Variants in AGBL1 observed in about 807,000 individuals in gnomAD.
The protein encoded by AGBL1 is AGBL carboxypeptidase 1, also known as cytosolic carboxypeptidase 4.
AGBL1 carries 130 observed loss-of-function variants against 118.9 expected under a neutral mutation model. The observed-to-expected ratio is 1.09, with a 90% CI of 0.95 to 1.26. The LOEUF is 1.26. AGBL1 is among the 50% of genes most tolerant of loss of function. The pLI is 0.00. For synonymous variants in AGBL1, 555 were observed against 478.9 expected (o/e 1.16, Z -2.08); for missense variants, 1,584 against 1,298.1 (o/e 1.22, Z -3.38).
chr15:86,771,010 C>T (rs1046347534), intron 22 of AGBL1, among the ~76,000 whole-genome samples: 1 of 151,954 alleles, frequency 6.6e-6, no homozygotes, highest in Admixed American at 6.6e-5. Flanking sequence ...AGGCCTCACT[C>T]GTAAAGGCAT....
At chr15:86,389,129 A>G (rs2081240105) in intron 17 of AGBL1, among the ~76,000 whole-genome samples, 1 of 152,158 alleles carries the variant, frequency 6.6e-6, no homozygotes, top group African/African-American at 2.4e-5. Context: ...TTTTCCTGGA[A>G]ACTTTAAGAG....
At chr15:86,806,407 T>G (rs2078714587) in intron 22 of AGBL1, among the ~76,000 whole-genome samples, 1 of 152,004 alleles carries the variant, frequency 6.6e-6, no homozygotes, top group South Asian at 2.1e-4. Flanking sequence ...GAACTGAAAC[T>G]CCCAAAAGAA....
chr15:86,678,952 C>G (rs1183686541), intron 22 of AGBL1, among the ~76,000 whole-genome samples: 1 of 151,960 alleles, frequency 6.6e-6, no homozygotes, highest in African/African-American at 2.4e-5. Flanking sequence ...TTCCATTAGT[C>G]TGCCTGCCAA....
intron 24 of AGBL1, among the ~76,000 whole-genome samples, chr15:87,017,320 T>C (rs74890396): frequency 0.029 from 4,368 of 152,220 alleles, 88 homozygotes; most frequent in Middle Eastern, 0.058. Context: ...GATACCATTC[T>C]TCCAGATTGG....
chr15:86,510,476 G>T (rs2083040969), intron 18 of AGBL1, among the ~76,000 whole-genome samples: 1 of 152,062 alleles, frequency 6.6e-6, no homozygotes. Context: ...TTCATTACAG[G>T]ACTCTAATTT....
At chr15:86,196,841 C>G (rs1204548858) in intron 5 of AGBL1, among the ~76,000 whole-genome samples, 1 of 150,674 alleles carries the variant, frequency 6.6e-6, no homozygotes, top group Non-Finnish European at 1.5e-5. Flanking sequence ...CTTTCCTCCT[C>G]TCCCTGCATA....
At chr15:86,482,524 T>G (rs1474504452) in intron 18 of AGBL1, among the ~76,000 whole-genome samples, 2 of 152,106 alleles carry the variant, frequency 1.3e-5, no homozygotes, top group African/African-American at 4.8e-5. Context: ...TCCTATTTCA[T>G]CTGGTGACTT....
At chr15:86,406,289 G>C (rs903312302) in intron 18 of AGBL1, among the ~76,000 whole-genome samples, 1 of 152,182 alleles carries the variant, frequency 6.6e-6, no homozygotes, top group Non-Finnish European at 1.5e-5. Context: ...TCTGAGCACT[G>C]TAGTCTGCAG....
intron 5 of AGBL1, among the ~76,000 whole-genome samples, chr15:86,185,456 C>A (rs1343568492): frequency 1.3e-5 from 2 of 152,210 alleles, no homozygotes; most frequent in Non-Finnish European, 2.9e-5. Context: ...CACATGCACA[C>A]GTATGTTTAT....
chr15:86,768,799 G>T (rs955279478), intron 22 of AGBL1, among the ~76,000 whole-genome samples: 1 of 151,930 alleles, frequency 6.6e-6, no homozygotes, highest in African/African-American at 2.4e-5. Flanking sequence ...CAAATCAGGG[G>T]CCTCTTATAT....
intron 22 of AGBL1, among the ~76,000 whole-genome samples, chr15:86,769,344 T>G (rs796987575): frequency 8.5e-5 from 13 of 152,108 alleles, no homozygotes; most frequent in African/African-American, 2.9e-4. Flanking sequence ...AAGGAAGATT[T>G]CTCTATGCTT....
At chr15:86,366,671 CCAT>C (rs2080892124) in intron 17 of AGBL1, among the ~76,000 whole-genome samples, 1 of 152,104 alleles carries the variant, frequency 6.6e-6, no homozygotes, top group Non-Finnish European at 1.5e-5. Flanking sequence ...AGGATGTTTC[CCAT>C]CATATTTCTT....
chr15:87,008,496 T>A (rs2081526261), intron 24 of AGBL1, among the ~76,000 whole-genome samples: 1 of 152,190 alleles, frequency 6.6e-6, no homozygotes. Flanking sequence ...TCTCAGGGTA[T>A]GACTTTATCA....
At chr15:86,484,483 C>G (rs906595146) in intron 18 of AGBL1, among the ~76,000 whole-genome samples, 1 of 152,052 alleles carries the variant, frequency 6.6e-6, no homozygotes, top group Non-Finnish European at 1.5e-5. Flanking sequence ...TGCAAGGGAT[C>G]AGTTATGAAT....
At chr15:86,960,468 T>C (rs1194095796) in intron 23 of AGBL1, among the ~76,000 whole-genome samples, 2 of 152,000 alleles carry the variant, frequency 1.3e-5, no homozygotes, top group African/African-American at 4.8e-5. Flanking sequence ...AAAGTCATTA[T>C]CAAAAAGTCA....
chr15:86,865,032 G>A (rs1172541016), intron 22 of AGBL1, among the ~76,000 whole-genome samples: 1 of 152,154 alleles, frequency 6.6e-6, no homozygotes, highest in Non-Finnish European at 1.5e-5. Flanking sequence ...CCCTGGAGCA[G>A]GGGTCTTGTT....
At chr15:86,433,266 C>CTTCTTT (rs2081959812) in intron 18 of AGBL1, among the ~76,000 whole-genome samples, 2 of 74,886 alleles carry the variant, frequency 2.7e-5, no homozygotes, top group Non-Finnish European at 2.5e-5. Context: ...CCTCCTTCTT[C>CTTCTTT]TTTTTTTTTT....
chr15:86,437,213 A>G (rs2082010363), intron 18 of AGBL1, among the ~76,000 whole-genome samples: 1 of 152,220 alleles, frequency 6.6e-6, no homozygotes, highest in South Asian at 2.1e-4. Context: ...ATTGCTGTCA[A>G]ATATTCGATA....
chr15:86,099,387 G>A (rs966787301), intron 1 of AGBL1, among the ~76,000 whole-genome samples: 3 of 151,998 alleles, frequency 2.0e-5, no homozygotes, highest in East Asian at 1.9e-4. Context: ...AAATGCTACC[G>A]ATTTTTTGTG....
Sources: allele counts gnomAD v4.1 joint callset (sites outside exome capture counted in the v4.1 genomes callset), GRCh38; gene constraint gnomAD v4.1.1; transcripts MANE v1.5; gene names NCBI Gene and HGNC (gene_info 2026-07-23, HGNC 2026-07-21).